The following ANKS1B variants were observed in gnomAD, a reference collection of about 807,000 sequenced individuals.
ANKS1B encodes the protein ankyrin repeat and sterile alpha motif domain-containing protein 1B.
In ANKS1B, 36 loss-of-function variants were observed where a neutral mutation model predicts 148.3. That is an observed-to-expected ratio of 0.24 (90% CI 0.19 to 0.32). ANKS1B has a LOEUF of 0.32. ANKS1B is among the 10% of genes least tolerant of loss of function. The pLI is 1.00. For missense variants in ANKS1B, 1,157 were observed against 1,542.6 expected (o/e 0.75, Z 4.19); for synonymous variants, 542 against 560.8 (o/e 0.97, Z 0.47).
intron 15 of ANKS1B, among the ~76,000 whole-genome samples, chr12:99,121,609 TG>T (rs1308565857): frequency 6.6e-6 from 1 of 152,126 alleles, no homozygotes; most frequent in African/African-American, 2.4e-5. Flanking sequence ...TTGAGAACTT[TG>T]TGGAAGCAGG....
intron 14 of ANKS1B, among the ~76,000 whole-genome samples, chr12:99,212,518 T>C (rs979232840): frequency 1.3e-5 from 2 of 152,222 alleles, no homozygotes. Context: ...TTGCATTTTC[T>C]TTCTTGTCTG....
intron 9 of ANKS1B, among the ~76,000 whole-genome samples, chr12:99,524,444 T>C (rs968794792): frequency 1.3e-5 from 2 of 152,260 alleles, no homozygotes; most frequent in South Asian, 2.1e-4. Context: ...GAGGAGATCA[T>C]ACTGCATTAT....
At position 99,437,891 on chromosome 12, in the gene ANKS1B, A is replaced by G. The variant is rs559461761; in HGVS notation, c.1575+5782T>C. 9.3e-4 allele frequency among the ~76,000 whole-genome samples: 141 copies of G among 152,048 alleles called. 1 individual carries two copies. The highest frequency in any genetic ancestry group is 3.1e-3 in the African/African-American group (130 of 41,512). On this transcript the variant is annotated intron_variant, in intron 11 of 26. Transcript: ENST00000683438. ...AAAAAGATTAGTCTACAATCAGGGT[A>G]TCTTTTCCCACTCTTCAATTCCTTT...
chr12:98,950,046 G>C (rs2099851677), intron 17 of ANKS1B, among the ~76,000 whole-genome samples: 1 of 152,214 alleles, frequency 6.6e-6, no homozygotes, highest in South Asian at 2.1e-4. Flanking sequence ...GGAGGGAGTG[G>C]TTGTCTTCCA....
intron 1 of ANKS1B, among the ~76,000 whole-genome samples, chr12:99,900,505 C>CAAAAAA (rs71303560): frequency 4.2e-5 from 3 of 70,716 alleles, no homozygotes; most frequent in East Asian, 8.1e-4. Context: ...GACTCCATCT[C>CAAAAAA]AAAAAAAAAA....
intron 25 of ANKS1B, among the ~76,000 whole-genome samples, chr12:98,771,228 G>A (rs2098561037): frequency 6.6e-6 from 1 of 152,064 alleles, no homozygotes; most frequent in Admixed American, 6.6e-5. Context: ...GGAATGCAGT[G>A]GCACGATCAT....
intron 25 of ANKS1B, among the ~76,000 whole-genome samples, chr12:98,756,980 C>T (rs1319533734): frequency 1.3e-5 from 2 of 151,712 alleles, no homozygotes; most frequent in Admixed American, 6.6e-5. Context: ...CCATCCGCCT[C>T]GGCCTCCCAA....
intron 11 of ANKS1B, among the ~76,000 whole-genome samples, chr12:99,433,676 C>G (rs1403230800): frequency 6.6e-6 from 1 of 152,090 alleles, no homozygotes; most frequent in Non-Finnish European, 1.5e-5. Flanking sequence ...TTTAGGGTAG[C>G]CTGCTGGACA....
At chr12:99,163,775 C>T (rs2076934218) in intron 14 of ANKS1B, among the ~76,000 whole-genome samples, 2 of 152,230 alleles carry the variant, frequency 1.3e-5, no homozygotes, top group South Asian at 4.1e-4. Flanking sequence ...CTCTGAAATC[C>T]ATACAAATTA....
At chr12:98,930,930 G>T (rs1252436621) in intron 17 of ANKS1B, among the ~76,000 whole-genome samples, 19 of 151,954 alleles carry the variant, frequency 1.3e-4, no homozygotes, top group Admixed American at 1.2e-3. Flanking sequence ...GTGTAAATCT[G>T]GCCACTCATG....
chr12:99,324,840 AG>A (rs1272461659), intron 12 of ANKS1B, among the ~76,000 whole-genome samples: 3 of 152,280 alleles, frequency 2.0e-5, no homozygotes, highest in African/African-American at 7.2e-5. Flanking sequence ...TAGAGTTGAA[AG>A]GAGCTTAGCT....
chr12:99,984,812 G>T lies in ANKS1B; in HGVS notation c.-575C>A, dbSNP rs1429158330. On this transcript the variant is annotated 5_prime_UTR_variant, in exon 1 of 27. Coordinates refer to ENST00000683438, the MANE Select transcript of ANKS1B (RefSeq NM_001352186.2). ...GCGCTGTGGCCCGCGCCGAGGCAGG[G>T]CGGTGGGGGGCAGCCGCAGCGGGCG... 1.6e-4 allele frequency among the ~76,000 whole-genome samples: 24 copies of T among 146,382 alleles called. No individual in the cohort carries two copies. The highest frequency in any genetic ancestry group is 5.9e-4 in the African/African-American group (24 of 40,900).
chr12:99,500,229 C>T (rs2096642278), intron 10 of ANKS1B, among the ~76,000 whole-genome samples: 1 of 152,162 alleles, frequency 6.6e-6, no homozygotes, highest in Admixed American at 6.5e-5. Context: ...TCACCAGAAC[C>T]TGACCATGCC....
At chr12:99,737,072 T>C (rs150227866) in intron 8 of ANKS1B, among the ~76,000 whole-genome samples, 1 of 152,152 alleles carries the variant, frequency 6.6e-6, no homozygotes. Context: ...GGAACTTTTA[T>C]ATGCTGTTGA....
chr12:98,855,709 C>G (rs2099567299), intron 17 of ANKS1B, among the ~76,000 whole-genome samples: 2 of 152,186 alleles, frequency 1.3e-5, no homozygotes, highest in South Asian at 4.1e-4. Context: ...ATGTGAAAAG[C>G]TGGGAAAATG....
At chr12:99,631,289 AACAGAAAATGAATTAAT>A (rs1425006386) in intron 9 of ANKS1B, among the ~76,000 whole-genome samples, 2 of 152,208 alleles carry the variant, frequency 1.3e-5, no homozygotes, top group African/African-American at 4.8e-5. Context: ...TGTTATAAGT[AACAGAAAATGAATTAAT>A]ACAGAAAATT....
At chr12:99,751,313 T>C (rs2061086494) in intron 8 of ANKS1B, among the ~76,000 whole-genome samples, 1 of 151,958 alleles carries the variant, frequency 6.6e-6, no homozygotes, top group Non-Finnish European at 1.5e-5. Context: ...AAAAAATAAA[T>C]AAAAATCAGT....
rs1555511365 is a variant in ANKS1B, at chr12:98,929,065, C to CACACAT, written c.2779-96930_2779-96929insATGTGT. Among the ~76,000 whole-genome samples the CACACAT allele has an allele frequency of 1.0e-4, 15 of 147,742 alleles. 2 individuals carry two copies. The highest frequency in any genetic ancestry group is 3.3e-4 in the African/African-American group (13 of 39,804). On this transcript the variant is annotated intron_variant, in intron 17 of 26. Transcript: ENST00000683438. Reference sequence around the variant, plus strand: ...ATACACACACACACACACACACACACACACACAAGTTCAGCGAGGTTTCCT... The same window carrying CACACAT: ...ATACACACACACACACACACACACACACACATACACACAAGTTCAGCGAGGTTTCCT...
chr12:99,866,467 C>T (rs147363268), intron 1 of ANKS1B, among the ~76,000 whole-genome samples: 101 of 152,204 alleles, frequency 6.6e-4, no homozygotes, highest in South Asian at 3.5e-3. Context: ...CCCCATTACA[C>T]GATTTTCTTC....
Sources: gnomAD v4.1 joint callset for allele counts (sites outside exome capture counted in the v4.1 genomes callset) on GRCh38, gnomAD v4.1.1 for gene constraint, MANE v1.5 for transcripts, NCBI Gene and HGNC (gene_info 2026-07-23, HGNC 2026-07-21) for gene names.